RBFOX1: variants seen among roughly 807,000 people sequenced by gnomAD.
The protein encoded by RBFOX1 is RNA binding protein fox-1 homolog 1.
Under a neutral mutation model 57.7 loss-of-function variants are expected in RBFOX1, and 8 were observed. That is an observed-to-expected ratio of 0.14 (90% CI 0.08 to 0.25). The LOEUF (loss-of-function observed/expected upper bound fraction) is 0.25. RBFOX1 is among the 10% of genes least tolerant of loss of function. The pLI is 1.00. For missense variants in RBFOX1, 611 were observed against 548.5 expected, an observed-to-expected ratio of 1.11 and a Z score of -1.14; for synonymous variants, 326 against 222.4, an observed-to-expected ratio of 1.47 and a Z score of -4.15.
At chr16:7,494,801 C>G (rs535068530) in intron 4 of RBFOX1, among the ~76,000 whole-genome samples, 1 of 144,248 alleles carries the variant, frequency 6.9e-6, no homozygotes, top group South Asian at 2.2e-4. Context: ...AATGCTTGAG[C>G]TCCTTAATAT....
At chr16:7,193,620 T>C (rs994443783) in intron 4 of RBFOX1, among the ~76,000 whole-genome samples, 1 of 152,198 alleles carries the variant, frequency 6.6e-6, no homozygotes, top group Non-Finnish European at 1.5e-5. Context: ...TACTACATTG[T>C]GTATTCTGCT....
chr16:5,793,436 A>G (rs543438702), intron 3 of RBFOX1, among the ~76,000 whole-genome samples: 1 of 152,354 alleles, frequency 6.6e-6, no homozygotes, highest in Admixed American at 6.5e-5. Context: ...GCCCGTTGGC[A>G]TGGGTGCTGG....
chr16:7,297,042 C>G (rs1427680650), intron 4 of RBFOX1, among the ~76,000 whole-genome samples: 1 of 152,126 alleles, frequency 6.6e-6, no homozygotes, highest in Non-Finnish European at 1.5e-5. Flanking sequence ...AGCTTGCACT[C>G]CATGGGAGCC....
chr16:5,324,087 C>G (rs1004107551), intron 1 of RBFOX1, among the ~76,000 whole-genome samples: 3 of 152,186 alleles, frequency 2.0e-5, no homozygotes, highest in Non-Finnish European at 2.9e-5. Flanking sequence ...GTGCTTCTGC[C>G]CAGCACCTGC....
At chr16:7,064,104 A>G (rs993881043) in intron 4 of RBFOX1, among the ~76,000 whole-genome samples, 2 of 151,976 alleles carry the variant, frequency 1.3e-5, no homozygotes, top group Admixed American at 6.6e-5. Context: ...CTTTAAAAAG[A>G]TAAGTAAGAT....
At chr16:5,835,903 G>T (rs960010559) in intron 3 of RBFOX1, among the ~76,000 whole-genome samples, 1 of 152,114 alleles carries the variant, frequency 6.6e-6, no homozygotes, top group Non-Finnish European at 1.5e-5. Context: ...CACCTGCCTG[G>T]CCTTGCTCCT....
chr16:6,639,603 A>T (rs1451056353), intron 2 of RBFOX1, among the ~76,000 whole-genome samples: 1 of 152,178 alleles, frequency 6.6e-6, no homozygotes, highest in Non-Finnish European at 1.5e-5. Flanking sequence ...TGGGCCGGGC[A>T]CGGTGGCTCA....
intron 2 of RBFOX1, among the ~76,000 whole-genome samples, chr16:6,324,129 A>G (rs2082112142): frequency 6.6e-6 from 1 of 151,994 alleles, no homozygotes; most frequent in Admixed American, 6.6e-5. Flanking sequence ...GTAATTTCTC[A>G]TCCCTCACCT....
At chr16:6,723,208 G>C (rs1393104371) in intron 3 of RBFOX1, among the ~76,000 whole-genome samples, 1 of 152,140 alleles carries the variant, frequency 6.6e-6, no homozygotes, top group African/African-American at 2.4e-5. Flanking sequence ...TGGGCATTGG[G>C]GTTTACATTG....
chr16:5,696,761 T>C (rs2050857895), intron 3 of RBFOX1, among the ~76,000 whole-genome samples: 1 of 152,220 alleles, frequency 6.6e-6, no homozygotes, highest in South Asian at 2.1e-4. Context: ...CAGTATGTCT[T>C]ACCATTTTTG....
chr16:7,593,692 G>C (rs1449350171), intron 7 of RBFOX1, among the ~76,000 whole-genome samples: 1 of 151,804 alleles, frequency 6.6e-6, no homozygotes, highest in Non-Finnish European at 1.5e-5. Context: ...ACCAAAGGCA[G>C]TATTCCCAGG....
intron 3 of RBFOX1, among the ~76,000 whole-genome samples, chr16:6,708,984 T>TC (rs2063275517): frequency 6.6e-6 from 1 of 152,004 alleles, no homozygotes; most frequent in Non-Finnish European, 1.5e-5. Flanking sequence ...GCTTTTCTTT[T>TC]TTTTTTAATC....
chr16:5,435,955 G>C (rs1036705095), intron 1 of RBFOX1, among the ~76,000 whole-genome samples: 1 of 152,274 alleles, frequency 6.6e-6, no homozygotes, highest in South Asian at 2.1e-4. Context: ...ACTTCCTTAG[G>C]AATTTGAAGT....
At chr16:7,069,343 C>G (rs1279430156) in intron 4 of RBFOX1, among the ~76,000 whole-genome samples, 1 of 152,124 alleles carries the variant, frequency 6.6e-6, no homozygotes, top group East Asian at 1.9e-4. Context: ...CCCTAATGCT[C>G]TCCCTCCCAT....
chr16:6,706,459 G>A (rs2062762226), intron 3 of RBFOX1, among the ~76,000 whole-genome samples: 1 of 152,168 alleles, frequency 6.6e-6, no homozygotes, highest in South Asian at 2.1e-4. Flanking sequence ...TTGGATGGGG[G>A]GCCCCTGTAG....
At chr16:6,779,588 C>A (rs890640525) in intron 3 of RBFOX1, among the ~76,000 whole-genome samples, 1 of 148,480 alleles carries the variant, frequency 6.7e-6, no homozygotes, top group Non-Finnish European at 1.5e-5. Context: ...GAAGAACCTC[C>A]ATACTATTCT....
chr16:6,923,427 G>A (rs2074922199), intron 3 of RBFOX1, among the ~76,000 whole-genome samples: 1 of 152,178 alleles, frequency 6.6e-6, no homozygotes, highest in Admixed American at 6.5e-5. Context: ...CAGCTACTTG[G>A]AAGGCTGAGG....
chr16:7,433,112 C>A (rs758855325), intron 4 of RBFOX1, among the ~76,000 whole-genome samples: 1 of 152,114 alleles, frequency 6.6e-6, no homozygotes, highest in Non-Finnish European at 1.5e-5. Flanking sequence ...GTTGGTGTGC[C>A]CATTGAATTC....
chr16:5,401,192 T>C (rs572589797), intron 1 of RBFOX1, among the ~76,000 whole-genome samples: 1 of 152,324 alleles, frequency 6.6e-6, no homozygotes, highest in South Asian at 2.1e-4. Context: ...TTTCTGCAAA[T>C]TTTTATAGTC....
Sources: allele counts gnomAD v4.1 joint callset (sites outside exome capture counted in the v4.1 genomes callset), GRCh38; gene constraint gnomAD v4.1.1; transcripts MANE v1.5; gene names NCBI Gene and HGNC (gene_info 2026-07-23, HGNC 2026-07-21).